RERE: variants seen among roughly 807,000 people sequenced by gnomAD.
RERE encodes the protein arginine-glutamic acid dipeptide repeats protein.
RERE carries 40 observed loss-of-function variants against 146.1 expected under a neutral mutation model. That is an observed-to-expected ratio of 0.27 (90% CI 0.21 to 0.36). The LOEUF (loss-of-function observed/expected upper bound fraction) is 0.36. Among genes scored for constraint, RERE ranks in the 10% least tolerant of loss-of-function variants. The probability of loss-of-function intolerance (pLI) is 1.00; values close to 1 mark genes in which losing one functional copy is unlikely to be tolerated. For missense variants in RERE, 1,933 were observed against 2,138.7 expected, an observed-to-expected ratio of 0.90 and a Z score of 1.90; for synonymous variants, 1,003 against 866.0, an observed-to-expected ratio of 1.16 and a Z score of -2.78.
chr1:8,429,249 G>A (rs560882624), intron 11 of RERE, among the ~76,000 whole-genome samples: 1 of 152,290 alleles, frequency 6.6e-6, no homozygotes, highest in African/African-American at 2.4e-5. Context: ...GAACCAGGCT[G>A]GGAGGGTCAA....
At chr1:8,471,908 T>C (rs753316785) in intron 10 of RERE, among the ~76,000 whole-genome samples, 3 of 152,156 alleles carry the variant, frequency 2.0e-5, no homozygotes, top group Non-Finnish European at 4.4e-5. Flanking sequence ...GCCTCCCGGA[T>C]TCATGTGATT....
At chr1:8,625,361 A>T (rs965769289) in intron 2 of RERE, among the ~76,000 whole-genome samples, 1 of 152,212 alleles carries the variant, frequency 6.6e-6, no homozygotes, top group Non-Finnish European at 1.5e-5. Flanking sequence ...CTACCCCCAT[A>T]TCACAACCTA....
At chr1:8,694,631 T>G (rs997281811) in intron 1 of RERE, among the ~76,000 whole-genome samples, 1 of 152,008 alleles carries the variant, frequency 6.6e-6, no homozygotes, top group Non-Finnish European at 1.5e-5. Flanking sequence ...TGGTGGCACA[T>G]GCCTGTAGTT....
At chr1:8,511,147 A>G (rs1645330597) in intron 7 of RERE, among the ~76,000 whole-genome samples, 1 of 152,082 alleles carries the variant, frequency 6.6e-6, no homozygotes, top group Non-Finnish European at 1.5e-5. Context: ...ACTCCCAAAT[A>G]CCCTGTTGAC....
intron 1 of RERE, among the ~76,000 whole-genome samples, chr1:8,724,648 C>T (rs923401332): frequency 6.6e-6 from 1 of 151,642 alleles, no homozygotes; most frequent in Non-Finnish European, 1.5e-5. Context: ...AGTTCAAGAC[C>T]AGCGACCCCG....
At chr1:8,466,126 A>G in intron 10 of RERE, 103 bp from the exon 11 acceptor site, 2 of 940,722 alleles carry the variant, frequency 2.1e-6, no homozygotes, top group Non-Finnish European at 3.1e-6. Context: ...CAGAAGAGTC[A>G]GGAAAGGGGC....
At chr1:8,474,834 C>G (rs1371615090) in intron 10 of RERE, among the ~76,000 whole-genome samples, 1 of 152,114 alleles carries the variant, frequency 6.6e-6, no homozygotes, top group Non-Finnish European at 1.5e-5. Flanking sequence ...ATATAAAAAG[C>G]CTACTTAAGT....
At chr1:8,666,924 T>TA (rs1557468431) in intron 1 of RERE, among the ~76,000 whole-genome samples, 3 of 152,188 alleles carry the variant, frequency 2.0e-5, no homozygotes, top group African/African-American at 7.2e-5. Flanking sequence ...TGCTAAGAGT[T>TA]TATATACTCA....
At chr1:8,627,696 C>T (rs976139052) in intron 2 of RERE, among the ~76,000 whole-genome samples, 1 of 151,824 alleles carries the variant, frequency 6.6e-6, no homozygotes, top group Non-Finnish European at 1.5e-5. Flanking sequence ...TTTATATATA[C>T]TTTAAATAAT....
chr1:8,513,214 T>C (rs1645365307), intron 7 of RERE, among the ~76,000 whole-genome samples: 1 of 152,188 alleles, frequency 6.6e-6, no homozygotes, highest in South Asian at 2.1e-4. Flanking sequence ...TTTTGAAAAC[T>C]TTCAAAATAT....
At chr1:8,776,306 T>C (rs1641062579) in intron 1 of RERE, among the ~76,000 whole-genome samples, 1 of 152,234 alleles carries the variant, frequency 6.6e-6, no homozygotes, top group African/African-American at 2.4e-5. Flanking sequence ...GTCTCATTCT[T>C]TTCTTTTTTA....
intron 1 of RERE, among the ~76,000 whole-genome samples, chr1:8,812,584 T>C (rs1228590976): frequency 6.6e-6 from 1 of 152,076 alleles, no homozygotes; most frequent in Non-Finnish European, 1.5e-5. Context: ...GAAGCAAAGT[T>C]GCAGTGAGCC....
intron 1 of RERE, among the ~76,000 whole-genome samples, chr1:8,695,765 A>C (rs1639316350): frequency 6.6e-6 from 1 of 152,074 alleles, no homozygotes; most frequent in Non-Finnish European, 1.5e-5. Flanking sequence ...AACTCAAAAA[A>C]ACAAAACTGT....
In RERE at chr1:8,448,888, C is replaced by CA. The variant is rs143869977; in HGVS notation, c.1203+17036dup. ...ACAAAAAAAAAAAAGGAAGAAGAAC[C>CA]AGAATTTCTTGTTTTTGAAAAATCA... On this transcript the variant is annotated intron_variant, in intron 11 of 22. Coordinates refer to ENST00000400908, the MANE Select transcript of RERE (RefSeq NM_001042681.2). 2.2e-3 allele frequency among the ~76,000 whole-genome samples: 335 copies of CA among 151,872 alleles called. 3 individuals are homozygous for CA. Among genetic ancestry groups the CA allele is most frequent in the African/African-American group, 7.9e-3 (328 of 41,414 alleles).
chr1:8,372,536 G>GTA (rs1396734230), intron 12 of RERE, among the ~76,000 whole-genome samples: 1 of 151,538 alleles, frequency 6.6e-6, no homozygotes, highest in African/African-American at 2.4e-5. Context: ...GTGTGTGTGT[G>GTA]TGTGTGTTTT....
chr1:8,478,383 G>A (rs151282231), intron 10 of RERE, among the ~76,000 whole-genome samples: 2 of 152,286 alleles, frequency 1.3e-5, no homozygotes, highest in East Asian at 3.9e-4. Flanking sequence ...AGAAAAGGAG[G>A]AGAAGAGCCA....
intron 6 of RERE, among the ~76,000 whole-genome samples, chr1:8,555,455 G>C (rs1157148284): frequency 2.0e-5 from 3 of 152,156 alleles, no homozygotes; most frequent in Admixed American, 2.0e-4. Context: ...TGAAATAACT[G>C]ACTTTAGCTA....
intron 1 of RERE, among the ~76,000 whole-genome samples, chr1:8,742,418 G>A (rs1640327196): frequency 6.6e-6 from 1 of 152,132 alleles, no homozygotes; most frequent in African/African-American, 2.4e-5. Context: ...TGACACTCTG[G>A]GAGGAAATTT....
At chr1:8,396,521 C>T (rs1006542231) in intron 12 of RERE, among the ~76,000 whole-genome samples, 6 of 152,122 alleles carry the variant, frequency 3.9e-5, no homozygotes, top group Non-Finnish European at 8.8e-5. Flanking sequence ...GGATCTTCAT[C>T]TCCTTTTCAG....
Sources: gnomAD v4.1 joint callset for allele counts (sites outside exome capture counted in the v4.1 genomes callset) on GRCh38, gnomAD v4.1.1 for gene constraint, MANE v1.5 for transcripts, NCBI Gene and HGNC (gene_info 2026-07-23, HGNC 2026-07-21) for gene names.